Variants in MTOR observed in about 807,000 individuals in gnomAD.
The protein encoded by MTOR is serine/threonine-protein kinase mTOR.
A neutral mutation model predicts 319.8 loss-of-function variants in MTOR; 70 were observed. The ratio of observed to expected loss-of-function variants is 0.22; its 90% CI spans 0.18 to 0.27. The LOEUF is 0.27. Among genes scored for constraint, MTOR ranks in the 10% least tolerant of loss-of-function variants. The pLI is 1.00. For synonymous variants in MTOR, 1,183 were observed against 1,211.4 expected (o/e 0.98, Z 0.49); for missense variants, 1,890 against 3,274.4 (o/e 0.58, Z 10.32).
chr1:11,252,672 C>T (rs946065341), intron 6 of MTOR, among the ~76,000 whole-genome samples: 4 of 152,230 alleles, frequency 2.6e-5, no homozygotes, highest in African/African-American at 9.6e-5. Context: ...GCTGCTCCCA[C>T]ATCTGGGCAT....
chr1:11,191,724 G>A (rs1215996574), intron 28 of MTOR, among the ~76,000 whole-genome samples: 3 of 152,132 alleles, frequency 2.0e-5, no homozygotes, highest in African/African-American at 7.2e-5. Context: ...AGTGTTTTGA[G>A]GTGCTAGCTG....
At chr1:11,193,563 T>A (rs200311422) in intron 28 of MTOR, 1 of 1,563,362 alleles carries the variant, frequency 6.4e-7, no homozygotes, top group Non-Finnish European at 8.7e-7. Context: ...CTCACCAGAG[T>A]ATCCCCTCTG....
At position 11,115,334 on chromosome 1, in the gene MTOR, AGAG is replaced by A; in HGVS notation, c.7089+59_7089+61del. ...TGGGCTTAAGTCTGCCTACAGTGTC[AGAG>A]GAGGGGGAAAAGTGATCACCCGGGA... On this transcript the variant is annotated intron_variant, in intron 51 of 57. Coordinates refer to ENST00000361445, the MANE Select transcript of MTOR (RefSeq NM_004958.4). This position sits in a 1 kb window ranked among gnomAD's most constrained non-coding sequence, Gnocchi z 4.5. 6.5e-7 allele frequency: 1 copy of A among 1,527,764 alleles called. No individual in the cohort carries two copies. Among genetic ancestry groups the A allele is most frequent in the South Asian group, 1.1e-5 (1 of 89,232 alleles). 94.6% of individuals were successfully genotyped at this position (1,527,764 alleles called of 1,614,324 possible).
chr1:11,174,343 G>C (rs367653133), intron 28 of MTOR, among the ~76,000 whole-genome samples: 1 of 152,156 alleles, frequency 6.6e-6, no homozygotes, highest in Non-Finnish European at 1.5e-5. Context: ...TGCAGGAGAA[G>C]GGAGCCCTCC....
chr1:11,201,002 G>C (rs555743805), intron 26 of MTOR, among the ~76,000 whole-genome samples: 1 of 150,026 alleles, frequency 6.7e-6, no homozygotes, highest in Non-Finnish European at 1.5e-5. Context: ...GCAACAGAGC[G>C]AGACTCTGTT....
intron 19 of MTOR, among the ~76,000 whole-genome samples, chr1:11,222,497 TA>T (rs1646701615): frequency 6.6e-6 from 1 of 151,962 alleles, no homozygotes; most frequent in Non-Finnish European, 1.5e-5. Flanking sequence ...GCGCCCAGCC[TA>T]AAAAAATGTT....
At chr1:11,160,138 T>C (rs956931422) in intron 29 of MTOR, among the ~76,000 whole-genome samples, 1 of 150,858 alleles carries the variant, frequency 6.6e-6, no homozygotes, top group Non-Finnish European at 1.5e-5. Context: ...TTCGCTCTTG[T>C]TGCTCAGGCT....
intron 25 of MTOR, among the ~76,000 whole-genome samples, chr1:11,207,216 C>A (rs1311023263): frequency 1.3e-5 from 2 of 152,056 alleles, no homozygotes; most frequent in Non-Finnish European, 2.9e-5. Context: ...ATCCTCCCAC[C>A]TTAGCCTCTC....
Position 11,109,290 on chromosome 1 carries a change from C to T in MTOR, c.7528G>A (p.Gly2510Ser), listed in dbSNP as rs1412063637. The T allele has an allele frequency of 6.2e-7, 1 of 1,613,612 alleles. No individual in the cohort carries two copies. Among genetic ancestry groups the T allele is most frequent in the East Asian group, 2.2e-5 (1 of 44,884 alleles). ...TTAAGTAAACACATGACACACTCAC[C>T]AGTGAGCTTATCTCGAACCCTGTTA... ...IINRVRDKLT[G>S]RDFSHDDTLD... Residue 2510 changes from glycine to serine, a missense_variant and splice_region_variant, in exon 56 of 58, where the codon GGT becomes AGT. Gly to Ser is a moderately conservative substitution (Grantham distance 56). Around this residue, in one of 15 missense-constraint regions of MTOR, gnomAD observed 31 missense variants for 82.1 expected, o/e 0.38. Coordinates refer to ENST00000361445, the MANE Select transcript of MTOR (RefSeq NM_004958.4). This position sits in a 1 kb window ranked among gnomAD's most constrained non-coding sequence, Gnocchi z 4.0.
At chr1:11,235,946 C>T (rs890397834) in intron 13 of MTOR, among the ~76,000 whole-genome samples, 3 of 151,536 alleles carry the variant, frequency 2.0e-5, no homozygotes, top group African/African-American at 7.3e-5. Flanking sequence ...CACACTACTG[C>T]ACTCCAGCCT....
chr1:11,184,835 A>G (rs2100680654), intron 28 of MTOR, among the ~76,000 whole-genome samples: 1 of 152,328 alleles, frequency 6.6e-6, no homozygotes, highest in Middle Eastern at 3.4e-3. Context: ...AACCTCTAGG[A>G]TTCCTTCCCA....
chr1:11,199,442 AG>A lies in MTOR; in HGVS notation c.4108-40del. On this transcript the variant is annotated intron_variant, in intron 27 of 57. Transcript: ENST00000361445. This position sits in a 1 kb window ranked among gnomAD's most constrained non-coding sequence, Gnocchi z 4.5. The stretch of plus-strand genomic sequence containing the variant: ...AAACCTCACAGCACAGGAAAATGGC[AG>A]ATGGGGCACAAACAAGAGAAGGCTG... The A allele has an allele frequency of 1.2e-6, 2 of 1,614,148 alleles. No individual in the cohort carries two copies. Among genetic ancestry groups the A allele is most frequent in the Non-Finnish European group, 1.7e-6 (2 of 1,179,990 alleles).
At chr1:11,189,976 A>G in intron 28 of MTOR, 2 of 1,585,320 alleles carry the variant, frequency 1.3e-6, no homozygotes, top group Non-Finnish European at 1.7e-6. Flanking sequence ...CAGTCCCCTG[A>G]GGGAGCGTGG....
At chr1:11,162,888 A>C (rs1405916787) in intron 29 of MTOR, among the ~76,000 whole-genome samples, 2 of 152,226 alleles carry the variant, frequency 1.3e-5, no homozygotes, top group Admixed American at 1.3e-4. Flanking sequence ...AACGAGCAAA[A>C]TAACCAGCTA....
chr1:11,208,076 T>G (rs1646196542), intron 25 of MTOR, among the ~76,000 whole-genome samples: 1 of 152,166 alleles, frequency 6.6e-6, no homozygotes, highest in Non-Finnish European at 1.5e-5. Flanking sequence ...CTAGTCAGGA[T>G]GAAAACATCT....
chr1:11,174,792 C>A (rs1315355700), intron 28 of MTOR, among the ~76,000 whole-genome samples: 2 of 152,138 alleles, frequency 1.3e-5, no homozygotes, highest in Admixed American at 1.3e-4. Flanking sequence ...ATAAACACCC[C>A]CTTGGGTGCC....
rs777259345 is a variant in MTOR at position 11,243,173 on chromosome 1, A to G, written c.1353T>C (p.Tyr451=). Residue 451 remains tyrosine, a synonymous_variant, in exon 9 of 58, where the codon TAT becomes TAC. Coordinates refer to ENST00000361445, the MANE Select transcript of MTOR (RefSeq NM_004958.4). ...SVAVRSEFKV[Y]LPRVLDIIRA... ...GGATGATGTCCAGCACGCGAGGCAA[A>G]TAGACCTTAAACTCAGACCTCACAG... The G allele has an allele frequency of 4.5e-5, 73 of 1,614,010 alleles. No individual in the cohort carries two copies. The highest frequency in any genetic ancestry group is 7.6e-6 in the Non-Finnish European group (9 of 1,180,038).
At chr1:11,173,369 C>T (rs1644883518) in intron 28 of MTOR, among the ~76,000 whole-genome samples, 1 of 152,100 alleles carries the variant, frequency 6.6e-6, no homozygotes, top group Non-Finnish European at 1.5e-5. Context: ...CAGGCCACTG[C>T]AACCTCCACC....
chr1:11,242,384 C>T (rs1648166634), intron 9 of MTOR, among the ~76,000 whole-genome samples: 1 of 151,542 alleles, frequency 6.6e-6, no homozygotes, highest in Non-Finnish European at 1.5e-5. Context: ...CCTGTAATCC[C>T]AGCTACTCAG....
Sources: allele counts gnomAD v4.1 joint callset (sites outside exome capture counted in the v4.1 genomes callset), GRCh38; gene constraint gnomAD v4.1.1; regional missense constraint gnomAD v4.1.1; non-coding constraint Gnocchi (gnomAD v3.1); transcripts MANE v1.5; gene names NCBI Gene and HGNC (gene_info 2026-07-23, HGNC 2026-07-21).